SLC66A2: variants seen among roughly 807,000 people sequenced by gnomAD.
SLC66A2 encodes solute carrier family 66 member 2, also known as PQ loop repeat containing 1.
A neutral mutation model predicts 25.5 loss-of-function variants in SLC66A2; 23 were observed. The ratio of observed to expected loss-of-function variants is 0.90; its 90% confidence interval spans 0.65 to 1.28. SLC66A2 has a LOEUF of 1.28. Ranked by LOEUF, SLC66A2 falls within the 50% of genes most tolerant of loss-of-function variation. SLC66A2 has a pLI of 0.00. For missense variants in SLC66A2, 396 were observed against 373.1 expected, an observed-to-expected ratio of 1.06 and a Z score of -0.51; for synonymous variants, 193 against 166.5, an observed-to-expected ratio of 1.16 and a Z score of -1.23.
chr18:79,911,567 G>A (rs1313164039), intron 5 of SLC66A2, among the ~76,000 whole-genome samples: 1 of 152,260 alleles, frequency 6.6e-6, no homozygotes, highest in African/African-American at 2.4e-5. Flanking sequence ...TCTGCAGCAT[G>A]GCAGCTGCAG....
intron 2 of SLC66A2, chr18:79,945,362 A>G (rs3809935): frequency 0.18 from 27,495 of 152,482 alleles, 2,745 homozygotes; most frequent in African/African-American, 0.26. Context: ...GGCCTGGGGC[A>G]GACAGGGGGC....
Position 79,926,070 on chromosome 18 carries a change from C to T in SLC66A2, c.392-6670G>A, listed in dbSNP as rs540274403. Reference sequence around the variant, plus strand: ...CTCACTGCTACACTCCTACCAGCACCGTGACAGTTTACAGATGCTGTGGCA... The same window carrying T: ...CTCACTGCTACACTCCTACCAGCACTGTGACAGTTTACAGATGCTGTGGCA... On this transcript the variant is annotated intron_variant, in intron 4 of 5. Transcript: ENST00000397778. Among the ~76,000 whole-genome samples, 9 of 152,348 alleles carry T rather than the reference C, an allele frequency of 5.9e-5. No homozygotes were observed. In the East Asian group the frequency reaches 7.7e-4, roughly 13 times the overall value.
At chr18:79,936,057 G>A (rs1290875430) in intron 3 of SLC66A2, among the ~76,000 whole-genome samples, 1 of 152,256 alleles carries the variant, frequency 6.6e-6, no homozygotes, top group African/African-American at 2.4e-5. Context: ...GAAGGAGGCT[G>A]GCTGGGCCAC....
intron 5 of SLC66A2, among the ~76,000 whole-genome samples, chr18:79,910,991 G>A (rs1340598673): frequency 6.6e-6 from 1 of 152,266 alleles, no homozygotes; most frequent in Non-Finnish European, 1.5e-5. Flanking sequence ...TGGCTGCCAG[G>A]TGTGGCAGGG....
At position 79,950,743 on chromosome 18, in the gene SLC66A2, T is replaced by C. The variant is rs751290398; in HGVS notation, c.184A>G (p.Ile62Val). Residue 62 changes from isoleucine to valine, a missense_variant, in exon 2 of 6, where the codon ATT becomes GTT. Ile to Val is a conservative substitution (Grantham distance 29). Coordinates refer to ENST00000397778, the MANE Select transcript of SLC66A2 (RefSeq NM_025078.5). The part of the protein sequence containing the change: ...YVCLVLLVAN[I>V]LRILFWFGRR... Reference sequence around the variant, plus strand: ...ACTTACCAGAAGAGTATCCGCAAAATGTTGGCCACCAGCAGCACCAGGCAC... The same window carrying C: ...ACTTACCAGAAGAGTATCCGCAAAACGTTGGCCACCAGCAGCACCAGGCAC... The C allele has an allele frequency of 1.2e-6, 2 of 1,612,958 alleles. No individual in the cohort carries two copies. The highest frequency in any genetic ancestry group is 1.7e-5 in the Admixed American group (1 of 59,990).
intron 5 of SLC66A2, among the ~76,000 whole-genome samples, chr18:79,913,637 C>T (rs1349271254): frequency 1.3e-5 from 2 of 152,238 alleles, no homozygotes; most frequent in East Asian, 3.9e-4. Flanking sequence ...CTGTGCATGC[C>T]GGCCTGTGCA....
At chr18:79,913,050 C>T (rs548277153) in intron 5 of SLC66A2, among the ~76,000 whole-genome samples, 28 of 152,330 alleles carry the variant, frequency 1.8e-4, no homozygotes, top group African/African-American at 6.7e-4. Flanking sequence ...CTTCTGGATC[C>T]AGCCCATGTC....
At position 79,917,987 on chromosome 18, in the gene SLC66A2, CACACCT is replaced by C. The variant is rs1984429506; in HGVS notation, c.608+1191_608+1196del. Among the ~76,000 whole-genome samples the C allele has an allele frequency of 6.6e-6, 1 of 152,158 alleles. No homozygotes were observed. The highest frequency in any genetic ancestry group is 2.1e-4 in the South Asian group (1 of 4,812). On this transcript the variant is annotated intron_variant, in intron 5 of 5. Coordinates refer to ENST00000397778, the MANE Select transcript of SLC66A2 (RefSeq NM_025078.5). The surrounding 1 kb of genome is among the most constrained non-coding windows in gnomAD (Gnocchi z 6.0). ...CACATCTGTGCCTATGTCCCACACC[CACACCT>C]ACGCCACACACCTGTAACTGCAACC...
chr18:79,916,967 C>T (rs1428903758), intron 5 of SLC66A2, among the ~76,000 whole-genome samples: 3 of 152,260 alleles, frequency 2.0e-5, no homozygotes, highest in Admixed American at 1.3e-4. Context: ...GGACAACCGG[C>T]GGTGCCCGCC....
At chr18:79,942,499 C>T (rs575693892) in intron 3 of SLC66A2, among the ~76,000 whole-genome samples, 71 of 152,304 alleles carry the variant, frequency 4.7e-4, no homozygotes, top group Middle Eastern at 6.8e-3. Context: ...CACAGCTCCC[C>T]GGCAAGAGCT....
At position 79,941,459 on chromosome 18, in the gene SLC66A2, G is replaced by T. The variant is rs374769675; in HGVS notation, c.337+1870C>A. 1 of 152,360 alleles carries T rather than the reference G, an allele frequency of 6.6e-6. No homozygotes were observed. The highest frequency in any genetic ancestry group is 2.1e-4 in the South Asian group (1 of 4,828). 9.4% of individuals were successfully genotyped at this position (152,360 alleles called of 1,614,324 possible). ...CCATTATTCTGTACACCCACAGAGG[G>T]TGTTTAAAATTCAGATTCCAGGCCT... On this transcript the variant is annotated intron_variant, in intron 3 of 5. Transcript: ENST00000397778. This position sits in a 1 kb window ranked among gnomAD's most constrained non-coding sequence, Gnocchi z 4.1.
rs971955348 is a variant in SLC66A2 at position 79,918,352 on chromosome 18, G to T, written c.608+832C>A. Among the ~76,000 whole-genome samples the T allele has an allele frequency of 1.2e-4, 19 of 152,202 alleles. No homozygotes were observed. Among genetic ancestry groups the T allele is most frequent in the African/African-American group, 4.6e-4 (19 of 41,528 alleles). On this transcript the variant is annotated intron_variant, in intron 5 of 5. Coordinates refer to ENST00000397778, the MANE Select transcript of SLC66A2 (RefSeq NM_025078.5). The surrounding 1 kb of genome is among the most constrained non-coding windows in gnomAD (Gnocchi z 4.0). ...ATTGGAGACCAGACTCAAGCAACGT[G>T]TGGGGGCTCAGGGTGTTCTCCGTGA... is the stretch of plus-strand genomic sequence containing the variant.
intron 4 of SLC66A2, among the ~76,000 whole-genome samples, chr18:79,928,471 G>A (rs1986231636): frequency 6.6e-6 from 1 of 152,192 alleles, no homozygotes; most frequent in South Asian, 2.1e-4. Flanking sequence ...GAACAGCAGT[G>A]TGAGGCTCTC....
chr18:79,908,425 C>T (rs931487623), intron 5 of SLC66A2, among the ~76,000 whole-genome samples: 1 of 152,094 alleles, frequency 6.6e-6, no homozygotes, highest in Non-Finnish European at 1.5e-5. Flanking sequence ...TGGTGAGAAA[C>T]CCATAGTAAT....
chr18:79,924,631 C>T (rs908663352), intron 4 of SLC66A2, among the ~76,000 whole-genome samples: 4 of 151,564 alleles, frequency 2.6e-5, no homozygotes, highest in African/African-American at 9.7e-5. Flanking sequence ...TAAATTATCT[C>T]TCTAATTTGA....
chr18:79,951,041 A>T lies in SLC66A2; in HGVS notation c.-99-16T>A. On this transcript the variant is annotated splice_polypyrimidine_tract_variant and intron_variant, in intron 1 of 5. Transcript: ENST00000397778. ...GCCTCGGGGCCTGCGGGGAGCGGGG[A>T]GCTGCTCGAGTTCCGCCCAGGGAGG... 1.3e-6 allele frequency: 1 copy of T among 742,396 alleles called. No homozygotes were observed. Among genetic ancestry groups the T allele is most frequent in the Non-Finnish European group, 1.9e-6 (1 of 528,808 alleles). The allele number at this position is 742,396 out of a possible 1,614,324, so 46.0% of individuals were successfully genotyped here. A position where few individuals can be genotyped will look rare whatever the true frequency, so the allele number is the denominator to read the frequency against.
Position 79,940,613 on chromosome 18 carries a change from G to A in SLC66A2, c.337+2716C>T, listed in dbSNP as rs758223876. On this transcript the variant is annotated intron_variant, in intron 3 of 5. Coordinates refer to ENST00000397778, the MANE Select transcript of SLC66A2 (RefSeq NM_025078.5). The surrounding 1 kb of genome is among the most constrained non-coding windows in gnomAD (Gnocchi z 4.1). ...GGCTGTGCTGCAGGAGCTACCGATC[G>A]GGCGGCCAGAAGCCAGAGCTTTCAG... 9.9e-5 allele frequency among the ~76,000 whole-genome samples: 15 copies of A among 152,034 alleles called. No homozygotes were observed. Among genetic ancestry groups the A allele is most frequent in the Non-Finnish European group, 1.2e-4 (8 of 68,000 alleles).
rs1337140917 is a variant in SLC66A2, at chr18:79,951,014, C to T, written c.-88G>A. On this transcript the variant is annotated 5_prime_UTR_variant, in exon 2 of 6. Coordinates refer to ENST00000397778, the MANE Select transcript of SLC66A2 (RefSeq NM_025078.5). ...CTCATCGCCGCTCCGCGCGCTCCTG[C>T]GGCCTCGGGGCCTGCGGGGAGCGGG... 1 of 1,067,252 alleles carries T rather than the reference C, an allele frequency of 9.4e-7. No homozygotes were observed. The highest frequency in any genetic ancestry group is 3.3e-5 in the East Asian group (1 of 30,648). 66.1% of individuals were successfully genotyped at this position (1,067,252 alleles called of 1,614,324 possible).
At chr18:79,928,339 C>T (rs113768040) in intron 4 of SLC66A2, among the ~76,000 whole-genome samples, 11 of 152,362 alleles carry the variant, frequency 7.2e-5, no homozygotes, top group African/African-American at 2.6e-4. Flanking sequence ...GCTGCGTTTA[C>T]TCAATGTAGC....
Sources: gnomAD v4.1 joint callset for allele counts (sites outside exome capture counted in the v4.1 genomes callset) on GRCh38, gnomAD v4.1.1 for gene constraint, Gnocchi (gnomAD v3.1) non-coding constraint, MANE v1.5 for transcripts, NCBI Gene and HGNC (gene_info 2026-07-23, HGNC 2026-07-21) for gene names.